The following ZNF445 variants were observed in gnomAD, a reference collection of about 807,000 sequenced individuals.
The protein encoded by ZNF445 is zinc finger protein 445.
ZNF445 carries 19 observed loss-of-function variants against 93.9 expected under a neutral mutation model. That is an observed-to-expected ratio of 0.20 (90% CI 0.14 to 0.30). The LOEUF is 0.30. Ranked by LOEUF, ZNF445 falls within the 10% of genes least tolerant of loss-of-function variation. The pLI is 1.00. For synonymous variants in ZNF445, 449 were observed against 446.3 expected, an observed-to-expected ratio of 1.01 and a Z score of -0.08; for missense variants, 1,058 against 1,259.4, an observed-to-expected ratio of 0.84 and a Z score of 2.42.
In ZNF445 at chr3:44,441,831, G is replaced by A. The variant is rs954977714; in HGVS notation, c.*4744C>T. On this transcript the variant is annotated 3_prime_UTR_variant, in exon 8 of 8. Transcript: ENST00000396077. The stretch of plus-strand genomic sequence containing the variant: ...TCAGGTCTCCTGCCTTAGGAAGGCA[G>A]AATGGTGACTTGCACACATCGTTCC... 2 of 152,186 alleles carry A rather than the reference G, an allele frequency of 1.3e-5. No individual in the cohort carries two copies. Among genetic ancestry groups the A allele is most frequent in the Non-Finnish European group, 2.9e-5 (2 of 68,030 alleles). The allele number at this position is 152,186 out of a possible 1,614,324, so 9.4% of individuals were successfully genotyped here.
intron 1 of ZNF445, among the ~76,000 whole-genome samples, chr3:44,477,076 TATGTA>T (rs1698370775): frequency 6.6e-6 from 1 of 152,244 alleles, no homozygotes; most frequent in Non-Finnish European, 1.5e-5. Flanking sequence ...GGTAAACGTT[TATGTA>T]TTGTATGGTA....
At chr3:44,465,469 A>G (rs531406588) in intron 1 of ZNF445, among the ~76,000 whole-genome samples, 23 of 152,368 alleles carry the variant, frequency 1.5e-4, no homozygotes, top group Admixed American at 1.4e-3. Flanking sequence ...GTGGGGCCAA[A>G]ATCTGGGCCC....
In ZNF445 at chr3:44,477,624, C is replaced by G. The variant is rs896873961; in HGVS notation, c.-302G>C. 1.3e-5 allele frequency: 2 copies of G among 152,664 alleles called. No individual in the cohort carries two copies. Among genetic ancestry groups the G allele is most frequent in the Admixed American group, 6.6e-5 (1 of 15,258 alleles). The allele number at this position is 152,664 out of a possible 1,614,324, so 9.5% of individuals were successfully genotyped here. A position where few individuals can be genotyped will look rare whatever the true frequency, so the allele number is the denominator to read the frequency against. ...GCCGCCGAGCGACAATCGGTCCACC[C>G]GCCGCCACCGCAGCCGCCCGTCCCG... On this transcript the variant is annotated 5_prime_UTR_variant, in exon 1 of 8. Coordinates refer to ENST00000396077, the MANE Select transcript of ZNF445 (RefSeq NM_181489.6).
chr3:44,455,723 T>C, intron 2 of ZNF445, 27 bp from the exon 3 acceptor site: 1 of 616,660 alleles, frequency 1.6e-6, no homozygotes, highest in Non-Finnish European at 2.8e-6. Context: ...GAGAGAATAA[T>C]GTCCATTATA....
At chr3:44,471,552 T>C (rs1002660263) in intron 1 of ZNF445, among the ~76,000 whole-genome samples, 2 of 152,168 alleles carry the variant, frequency 1.3e-5, no homozygotes, top group African/African-American at 2.4e-5. Flanking sequence ...CTTATGAAAT[T>C]AAAAGAGCCA....
At chr3:44,473,490 C>CACACACACACAAAA (rs774842477) in intron 1 of ZNF445, among the ~76,000 whole-genome samples, 25 of 56,930 alleles carry the variant, frequency 4.4e-4, no homozygotes, top group African/African-American at 1.1e-3. Context: ...CACACACACA[C>CACACACACACAAAA]AAAAAATGCT....
chr3:44,470,833 G>A (rs929498396), intron 1 of ZNF445, among the ~76,000 whole-genome samples: 1 of 152,132 alleles, frequency 6.6e-6, no homozygotes, highest in African/African-American at 2.4e-5. Flanking sequence ...CACAGTAGAA[G>A]GGACAGCACA....
chr3:44,432,537 A>T lies in ZNF445; in HGVS notation c.*14038T>A, dbSNP rs1575298132. The T allele has an allele frequency of 1.3e-5, 2 of 152,108 alleles. No individual in the cohort carries two copies. The highest frequency in any genetic ancestry group is 2.1e-4 in the South Asian group (1 of 4,826). 9.4% of individuals were successfully genotyped at this position (152,108 alleles called of 1,614,324 possible). The stretch of plus-strand genomic sequence containing the variant: ...GGAAGAATTCTCTCTTGCCTGAGAG[A>T]GAGTCTGGGGCAGCCAGACTTTATG... On this transcript the variant is annotated 3_prime_UTR_variant, in exon 8 of 8. Transcript: ENST00000396077.
In ZNF445 at chr3:44,431,950, G is replaced by A. The variant is rs1215409249; in HGVS notation, c.*14625C>T. The A allele has an allele frequency of 6.6e-6, 1 of 152,036 alleles. No homozygotes were observed. The highest frequency in any genetic ancestry group is 2.4e-5 in the African/African-American group (1 of 41,392). The allele number at this position is 152,036 out of a possible 1,614,324, so 9.4% of individuals were successfully genotyped here. A position where few individuals can be genotyped will look rare whatever the true frequency, so the allele number is the denominator to read the frequency against. On this transcript the variant is annotated 3_prime_UTR_variant, in exon 8 of 8. Transcript: ENST00000396077. The stretch of plus-strand genomic sequence containing the variant: ...TATTTTTTTGAGACAGGGTCGCTCT[G>A]TCTTCTGGGCACCATTTCAGCTCAC...
chr3:44,449,357 T>A (rs752613551), intron 7 of ZNF445, among the ~76,000 whole-genome samples, 156 bp downstream of exon 7: 1 of 151,982 alleles, frequency 6.6e-6, no homozygotes, highest in Non-Finnish European at 1.5e-5. Flanking sequence ...CCAGCCAGGA[T>A]GGAAGAGACC....
rs980970740 is a variant in ZNF445 at position 44,440,685 on chromosome 3, T to C, written c.*5890A>G. ...AAAGAATTCGGGCGAGTCCACAAAG[T>C]GAAAGTAGTTAATATTAAGAAAGTA... On this transcript the variant is annotated 3_prime_UTR_variant, in exon 8 of 8. Coordinates refer to ENST00000396077, the MANE Select transcript of ZNF445 (RefSeq NM_181489.6). 3.9e-5 allele frequency: 6 copies of C among 152,138 alleles called. No individual in the cohort carries two copies. Among genetic ancestry groups the C allele is most frequent in the African/African-American group, 1.2e-4 (5 of 41,434 alleles). The allele number at this position is 152,138 out of a possible 1,614,324, so 9.4% of individuals were successfully genotyped here.
chr3:44,440,122 G>T lies in ZNF445; in HGVS notation c.*6453C>A, dbSNP rs1046831357. 2 of 152,154 alleles carry T rather than the reference G, an allele frequency of 1.3e-5. No individual in the cohort carries two copies. The highest frequency in any genetic ancestry group is 2.9e-5 in the Non-Finnish European group (2 of 68,022). The allele number at this position is 152,154 out of a possible 1,614,324, so 9.4% of individuals were successfully genotyped here. A position where few individuals can be genotyped will look rare whatever the true frequency, so the allele number is the denominator to read the frequency against. The stretch of plus-strand genomic sequence containing the variant: ...CAGTTGCTACCTCCAAGACACCTTG[G>T]CATTTTCTTCTTGCCTTTTTAGCTA... On this transcript the variant is annotated 3_prime_UTR_variant, in exon 8 of 8. Coordinates refer to ENST00000396077, the MANE Select transcript of ZNF445 (RefSeq NM_181489.6).
chr3:44,461,949 C>T (rs1466933921), intron 1 of ZNF445, among the ~76,000 whole-genome samples: 1 of 152,134 alleles, frequency 6.6e-6, no homozygotes, highest in Non-Finnish European at 1.5e-5. Flanking sequence ...GCCCAGAAAC[C>T]TGGTATACCG....
rs1697604491 is a variant in ZNF445, at chr3:44,433,485, A to G, written c.*13090T>C. The G allele has an allele frequency of 6.6e-6, 1 of 152,236 alleles. No homozygotes were observed. Among genetic ancestry groups the G allele is most frequent in the Non-Finnish European group, 1.5e-5 (1 of 68,060 alleles). The allele number at this position is 152,236 out of a possible 1,614,324, so 9.4% of individuals were successfully genotyped here. A position where few individuals can be genotyped will look rare whatever the true frequency, so the allele number is the denominator to read the frequency against. On this transcript the variant is annotated 3_prime_UTR_variant, in exon 8 of 8. Coordinates refer to ENST00000396077, the MANE Select transcript of ZNF445 (RefSeq NM_181489.6). ...ATTTTGTTGAGGAAAGAAATAGGAC[A>G]GACAACTCAATGAAGTCTCAGAGAG...
chr3:44,474,538 C>CA (rs1698315945), intron 1 of ZNF445, among the ~76,000 whole-genome samples: 1 of 151,756 alleles, frequency 6.6e-6, no homozygotes, highest in Admixed American at 6.6e-5. Flanking sequence ...ACAGAACAAA[C>CA]AAAAAAACAA....
rs2125680941 is a variant in ZNF445 at position 44,455,649 on chromosome 3, G to A, written c.-100C>T. ...TCAGCAGTCAACAATGCCAACATTT[G>A]CTGGGACATCAGAAGTCATCAGCAA... On this transcript the variant is annotated 5_prime_UTR_variant, in exon 3 of 8. It introduces an in-frame stop codon into an upstream open reading frame of the 5' UTR. Coordinates refer to ENST00000396077, the MANE Select transcript of ZNF445 (RefSeq NM_181489.6). The A allele has an allele frequency of 3.5e-6, 4 of 1,156,190 alleles. No homozygotes were observed. In the East Asian group the frequency reaches 1.0e-4, roughly 29 times the overall value. The allele number at this position is 1,156,190 out of a possible 1,614,324, so 71.6% of individuals were successfully genotyped here. A position where few individuals can be genotyped will look rare whatever the true frequency, so the allele number is the denominator to read the frequency against.
At position 44,447,107 on chromosome 3, in the gene ZNF445, A is replaced by G. The variant is rs1370365315; in HGVS notation, c.2564T>C (p.Leu855Pro). 1 of 1,614,194 alleles carries G rather than the reference A, an allele frequency of 6.2e-7. No homozygotes were observed. The highest frequency in any genetic ancestry group is 1.1e-5 in the South Asian group (1 of 91,090). ...CGKTFTRKRT[L>P]LDHKGIHSGE... ...ACTGTGTATTCCCTTATGATCTAAA[A>G]GGGTTCTTTTACGTGTAAAGGTTTT... The change falls in exon 8 of 8, where the codon CTT becomes CCT. Residue 855 changes from leucine (L) to proline (P), a missense_variant. Coordinates refer to ENST00000396077, the MANE Select transcript of ZNF445 (RefSeq NM_181489.6). This position sits in a 1 kb window ranked among gnomAD's most constrained non-coding sequence, Gnocchi z 4.7.
intron 1 of ZNF445, among the ~76,000 whole-genome samples, chr3:44,476,194 T>A (rs554462974): frequency 1.3e-5 from 2 of 152,194 alleles, no homozygotes; most frequent in Non-Finnish European, 2.9e-5. Context: ...TTTACTATAG[T>A]TTACTCTCTG....
chr3:44,463,464 T>C (rs1698148070), intron 1 of ZNF445, among the ~76,000 whole-genome samples: 1 of 152,240 alleles, frequency 6.6e-6, no homozygotes, highest in African/African-American at 2.4e-5. Flanking sequence ...AAACCACCTC[T>C]GTTTTCCTCA....
Sources: allele counts gnomAD v4.1 joint callset (sites outside exome capture counted in the v4.1 genomes callset), GRCh38; gene constraint gnomAD v4.1.1; non-coding constraint Gnocchi (gnomAD v3.1); transcripts MANE v1.5; gene names NCBI Gene and HGNC (gene_info 2026-07-23, HGNC 2026-07-21).